Variants in UBE2E1 observed in about 807,000 individuals in gnomAD.
The protein encoded by UBE2E1 is ubiquitin-conjugating enzyme E2 E1.
A neutral mutation model predicts 21.4 loss-of-function variants in UBE2E1; 6 were observed. That is an observed-to-expected ratio of 0.28 (90% CI 0.15 to 0.55). The LOEUF is 0.55. UBE2E1 is among the 20% of genes least tolerant of loss of function. The pLI is 0.93. For synonymous variants in UBE2E1, 87 were observed against 82.7 expected (o/e 1.05, Z -0.28); for missense variants, 142 against 236.5 (o/e 0.60, Z 2.62).
intron 3 of UBE2E1, among the ~76,000 whole-genome samples, chr3:23,867,569 C>T (rs1700685305): frequency 6.6e-6 from 1 of 152,148 alleles, no homozygotes. Context: ...GGAGAAAGAG[C>T]ACCCTCTTTT....
chr3:23,854,483 C>G (rs1700394136), intron 3 of UBE2E1, among the ~76,000 whole-genome samples: 1 of 152,232 alleles, frequency 6.6e-6, no homozygotes, highest in Non-Finnish European at 1.5e-5. Context: ...ATGACACTGT[C>G]TGTCCCTTCG....
At chr3:23,839,830 A>G (rs1309749830) in intron 3 of UBE2E1, among the ~76,000 whole-genome samples, 2 of 152,122 alleles carry the variant, frequency 1.3e-5, no homozygotes, top group Admixed American at 1.3e-4. Flanking sequence ...ATAATGTGTC[A>G]TCTTTTTGTC....
At chr3:23,846,698 C>CAAAAAA (rs10662469) in intron 3 of UBE2E1, among the ~76,000 whole-genome samples, 32 of 89,692 alleles carry the variant, frequency 3.6e-4, no homozygotes, top group Non-Finnish European at 5.5e-4. Flanking sequence ...TCCATCTCAT[C>CAAAAAA]AAAAAAAAAA....
At chr3:23,859,504 T>A (rs1375658594) in intron 3 of UBE2E1, among the ~76,000 whole-genome samples, 9 of 152,236 alleles carry the variant, frequency 5.9e-5, no homozygotes, top group Admixed American at 5.9e-4. Context: ...TACCAGGTTC[T>A]TCATCCAGAA....
At position 23,863,928 on chromosome 3, in the gene UBE2E1, G is replaced by A. The variant is rs956444821; in HGVS notation, c.204-23639G>A. ...TAACTCTGTTTATAGCTGTCATACC[G>A]GATTCTCGTGTCACTGTCTTTTGGG... is the stretch of plus-strand genomic sequence containing the variant. On this transcript the variant is annotated intron_variant, in intron 3 of 5. Coordinates refer to ENST00000306627, the MANE Select transcript of UBE2E1 (RefSeq NM_003341.5). The surrounding 1 kb of genome is among the most constrained non-coding windows in gnomAD (Gnocchi z 4.3). Among the ~76,000 whole-genome samples the A allele has an allele frequency of 6.6e-6, 1 of 152,112 alleles. No individual in the cohort carries two copies. The highest frequency in any genetic ancestry group is 2.4e-5 in the African/African-American group (1 of 41,388).
chr3:23,866,132 C>T (rs1700650673), intron 3 of UBE2E1: 1 of 152,464 alleles, frequency 6.6e-6, no homozygotes, highest in Non-Finnish European at 1.5e-5. Flanking sequence ...TATAAACAGC[C>T]TTCCTCTTGT....
At position 23,816,590 on chromosome 3, in the gene UBE2E1, C is replaced by T. The variant is rs1699524127; in HGVS notation, c.203+5080C>T. Reference sequence around the variant, plus strand: ...GGCATGGTGGCGGGCACCTGTAGTCCCAGCTACTCAGGAGGCTGAGGCAGG... The same window carrying T: ...GGCATGGTGGCGGGCACCTGTAGTCTCAGCTACTCAGGAGGCTGAGGCAGG... On this transcript the variant is annotated intron_variant, in intron 3 of 5. Transcript: ENST00000306627. The surrounding 1 kb of genome is among the most constrained non-coding windows in gnomAD (Gnocchi z 4.8). Among the ~76,000 whole-genome samples the T allele has an allele frequency of 6.6e-6, 1 of 152,068 alleles. No individual in the cohort carries two copies. The highest frequency in any genetic ancestry group is 2.4e-5 in the African/African-American group (1 of 41,398).
intron 3 of UBE2E1, among the ~76,000 whole-genome samples, chr3:23,841,442 C>T (rs953888009): frequency 5.9e-5 from 9 of 151,552 alleles, no homozygotes; most frequent in African/African-American, 4.9e-5. Flanking sequence ...GCTTTGAGCA[C>T]GTATTAATTC....
chr3:23,850,837 C>CTTTTTTTTTTTTT (rs71057628), intron 3 of UBE2E1, among the ~76,000 whole-genome samples: 1 of 128,414 alleles, frequency 7.8e-6, no homozygotes, highest in African/African-American at 2.9e-5. Context: ...CCACACCCAG[C>CTTTTTTTTTTTTT]TTTTTTTTTT....
At chr3:23,834,412 T>A (rs1282803896) in intron 3 of UBE2E1, among the ~76,000 whole-genome samples, 2 of 152,246 alleles carry the variant, frequency 1.3e-5, no homozygotes, top group African/African-American at 4.8e-5. Context: ...ACTTGCCCAC[T>A]TAAAATTCCC....
chr3:23,859,380 C>T (rs1158375843), intron 3 of UBE2E1, among the ~76,000 whole-genome samples: 2 of 152,200 alleles, frequency 1.3e-5, no homozygotes, highest in South Asian at 2.1e-4. Context: ...ACACTGCTAC[C>T]TCCTCACTTC....
At chr3:23,839,280 G>T (rs890204163) in intron 3 of UBE2E1, among the ~76,000 whole-genome samples, 2 of 151,880 alleles carry the variant, frequency 1.3e-5, no homozygotes, top group African/African-American at 4.8e-5. Context: ...TGGCTAACAC[G>T]GTGAAACCCT....
rs1279239395 is a variant in UBE2E1 at position 23,842,290 on chromosome 3, A to G, written c.203+30780A>G. 6.9e-6 allele frequency among the ~76,000 whole-genome samples: 1 copy of G among 144,374 alleles called. No homozygotes were observed. Among genetic ancestry groups the G allele is most frequent in the Non-Finnish European group, 1.5e-5 (1 of 66,864 alleles). The allele number at this position is 144,374 out of a possible 152,430, so 94.7% of individuals were successfully genotyped here. A position where few individuals can be genotyped will look rare whatever the true frequency, so the allele number is the denominator to read the frequency against. ...GCGACAGGGTCTCAATTCGTCGCCT[A>G]GGCTGGGATGCAGTGGTGCAGTCAC... On this transcript the variant is annotated intron_variant, in intron 3 of 5. Transcript: ENST00000306627. The surrounding 1 kb of genome is among the most constrained non-coding windows in gnomAD (Gnocchi z 4.6).
At chr3:23,866,466 C>G (rs1700659921) in intron 3 of UBE2E1, 1 of 152,246 alleles carries the variant, frequency 6.6e-6, no homozygotes, top group African/African-American at 2.4e-5. Context: ...ACCAACCTAA[C>G]TTCTGAGCTG....
chr3:23,863,539 T>C lies in UBE2E1; in HGVS notation c.204-24028T>C, dbSNP rs112849030. On this transcript the variant is annotated intron_variant, in intron 3 of 5. Coordinates refer to ENST00000306627, the MANE Select transcript of UBE2E1 (RefSeq NM_003341.5). The surrounding 1 kb of genome is among the most constrained non-coding windows in gnomAD (Gnocchi z 4.3). Reference sequence around the variant, plus strand: ...TTTATATAAATTTTATTTTACTTTTTATTTTTTTGAGACGGAGTTTCGCTC... The same window carrying C: ...TTTATATAAATTTTATTTTACTTTTCATTTTTTTGAGACGGAGTTTCGCTC... 7.1e-4 allele frequency among the ~76,000 whole-genome samples: 108 copies of C among 152,332 alleles called. No homozygotes were observed. Among genetic ancestry groups the C allele is most frequent in the African/African-American group, 1.4e-3 (58 of 41,578 alleles).
At chr3:23,877,745 T>C (rs888946993) in intron 3 of UBE2E1, among the ~76,000 whole-genome samples, 4 of 152,142 alleles carry the variant, frequency 2.6e-5, no homozygotes, top group African/African-American at 4.8e-5. Flanking sequence ...AAAAGGAGAA[T>C]AGGCATGCAG....
chr3:23,868,403 G>A (rs771853853), intron 3 of UBE2E1, among the ~76,000 whole-genome samples: 7 of 152,000 alleles, frequency 4.6e-5, no homozygotes, highest in Non-Finnish European at 1.0e-4. Flanking sequence ...CCACCTCCTG[G>A]GTTCAAGCTA....
rs918929982 is a variant in UBE2E1, at chr3:23,853,168, C to T, written c.204-34399C>T. The stretch of plus-strand genomic sequence containing the variant: ...TTGGCCTCCCAGAGTGCTGGGATTA[C>T]AGGCGTGAGCCACCGCGCCCAGCTG... On this transcript the variant is annotated intron_variant, in intron 3 of 5. Coordinates refer to ENST00000306627, the MANE Select transcript of UBE2E1 (RefSeq NM_003341.5). The surrounding 1 kb of genome is among the most constrained non-coding windows in gnomAD (Gnocchi z 4.1). Among the ~76,000 whole-genome samples the T allele has an allele frequency of 3.9e-5, 6 of 152,346 alleles. No homozygotes were observed. In the East Asian group the frequency reaches 9.6e-4, roughly 24 times the overall value.
intron 3 of UBE2E1, among the ~76,000 whole-genome samples, chr3:23,820,550 T>C (rs6767005): frequency 0.14 from 20,614 of 152,162 alleles, 2,042 homozygotes; most frequent in African/African-American, 0.26. Flanking sequence ...CAGCAAACCA[T>C]TGGGGCAGTG....
Sources: allele counts gnomAD v4.1 joint callset (sites outside exome capture counted in the v4.1 genomes callset), GRCh38; gene constraint gnomAD v4.1.1; non-coding constraint Gnocchi (gnomAD v3.1); transcripts MANE v1.5; gene names NCBI Gene and HGNC (gene_info 2026-07-23, HGNC 2026-07-21).